JMJD1C: variants seen among roughly 807,000 people sequenced by gnomAD.
The protein encoded by JMJD1C is jumonji domain containing 1C, also known as jumonji domain-containing protein 1C.
In JMJD1C, 31 loss-of-function variants were observed where a neutral mutation model predicts 245.3. That is an observed-to-expected ratio of 0.13 (90% CI 0.09 to 0.17). The LOEUF (loss-of-function observed/expected upper bound fraction) is 0.17. Ranked by LOEUF, JMJD1C falls within the 10% of genes least tolerant of loss-of-function variation. JMJD1C has a pLI of 1.00. For synonymous variants in JMJD1C, 1,057 were observed against 1,017.4 expected (o/e 1.04, Z -0.74); for missense variants, 2,691 against 3,000.2 (o/e 0.90, Z 2.41).
intron 2 of JMJD1C, among the ~76,000 whole-genome samples, chr10:63,318,764 T>C (rs958426374): frequency 2.6e-5 from 4 of 152,192 alleles, no homozygotes; most frequent in Admixed American, 6.5e-5. Flanking sequence ...ATATTTTCTC[T>C]ATACTTTGGT....
At chr10:63,312,094 CTTTTT>C (rs35328965) in intron 2 of JMJD1C, among the ~76,000 whole-genome samples, 1 of 64,020 alleles carries the variant, frequency 1.6e-5, no homozygotes, top group Non-Finnish European at 3.3e-5. Context: ...AGTAGCTAAA[CTTTTT>C]TTTTTTTTTT....
intron 2 of JMJD1C, among the ~76,000 whole-genome samples, chr10:63,312,410 C>T (rs1939348222): frequency 6.6e-6 from 1 of 152,030 alleles, no homozygotes; most frequent in Non-Finnish European, 1.5e-5. Flanking sequence ...GCCCGGTTGA[C>T]TAGCTAAATA....
chr10:63,345,253 G>A (rs567807314), intron 2 of JMJD1C, among the ~76,000 whole-genome samples: 1 of 152,062 alleles, frequency 6.6e-6, no homozygotes, highest in East Asian at 1.9e-4. Flanking sequence ...TTGTGAGGCC[G>A]AGGTGGGCGG....
intron 2 of JMJD1C, among the ~76,000 whole-genome samples, chr10:63,277,163 G>GAGCCA (rs1382780923): frequency 6.6e-6 from 1 of 151,830 alleles, no homozygotes; most frequent in Non-Finnish European, 1.5e-5. Flanking sequence ...TTACAGGCAT[G>GAGCCA]AGCCACCGTG....
At chr10:63,349,100 C>CA (rs71463516) in intron 2 of JMJD1C, among the ~76,000 whole-genome samples, 11,069 of 34,752 alleles carry the variant, frequency 0.32, 3,921 homozygotes, top group Admixed American at 0.47. Context: ...GACTCTGTCT[C>CA]AAAAAAAAAA....
chr10:63,209,180 A>G lies in JMJD1C; in HGVS notation c.2750T>C (p.Ile917Thr), dbSNP rs372956483. 5.0e-6 allele frequency: 8 copies of G among 1,613,828 alleles called. No individual in the cohort carries two copies. The African/African-American group carries it at 1.1e-4, about 22-fold the overall frequency. The change falls in exon 9 of 26, where the codon ATT becomes ACT. Residue 917 changes from isoleucine to threonine, a missense_variant. By Grantham distance (89) the Ile-to-Thr change is moderately conservative. This residue lies in a region of JMJD1C where 1,562 missense variants were observed against 1,490.7 expected (regional missense o/e 1.05). Coordinates refer to ENST00000399262, the MANE Select transcript of JMJD1C (RefSeq NM_032776.3). ...GACAGGAATGTGACTAAGTAATCCA[A>G]TACCATCTGCTGAGGTCACAGGGGT... The part of the protein sequence containing the change: ...QPTPVTSADG[I>T]GLLSHIPVRP...
rs563467034 is a variant in JMJD1C, at chr10:63,457,624, G to C, written c.168+7871C>G. ...GAAGGAAGGAGAAATAAAAGTCCAAGAGGACTTAAACCATAGGGCTATAGA... is the reference window on the plus strand; with the variant it reads ...GAAGGAAGGAGAAATAAAAGTCCAACAGGACTTAAACCATAGGGCTATAGA... On this transcript the variant is annotated intron_variant, in intron 1 of 25. Coordinates refer to ENST00000399262, the MANE Select transcript of JMJD1C (RefSeq NM_032776.3). Among the ~76,000 whole-genome samples, 8 of 152,260 alleles carry C rather than the reference G, an allele frequency of 5.3e-5. No homozygotes were observed. In the South Asian group the frequency reaches 1.2e-3, roughly 24 times the overall value.
chr10:63,266,577 C>A lies in JMJD1C; in HGVS notation c.334-1813G>T, dbSNP rs116818119. Among the ~76,000 whole-genome samples the A allele has an allele frequency of 9.1e-3, 1,383 of 152,196 alleles. 18 individuals are homozygous for A. The highest frequency in any genetic ancestry group is 0.032 in the African/African-American group (1,328 of 41,536). On this transcript the variant is annotated intron_variant, in intron 2 of 25. Coordinates refer to ENST00000399262, the MANE Select transcript of JMJD1C (RefSeq NM_032776.3). ...ATGTTTTTTCATATTATATCTCTGT[C>A]AGTTTAGTTTTTAAGTAAACTAGAA...
At chr10:63,495,766 AAAG>A (rs1382650639) in intron 1 of JMJD1C, among the ~76,000 whole-genome samples, 25 of 151,760 alleles carry the variant, frequency 1.6e-4, no homozygotes, top group Non-Finnish European at 2.2e-4. Flanking sequence ...AAAAAAAAAA[AAAG>A]AAGAAGAAAA....
intron 2 of JMJD1C, among the ~76,000 whole-genome samples, chr10:63,314,694 C>A (rs1005067583): frequency 6.6e-6 from 1 of 151,600 alleles, no homozygotes; most frequent in Non-Finnish European, 1.5e-5. Context: ...ATCGCCCAGG[C>A]TGGAGTGTAA....
chr10:63,376,046 A>C (rs1946714064), intron 2 of JMJD1C, among the ~76,000 whole-genome samples: 1 of 152,222 alleles, frequency 6.6e-6, no homozygotes, highest in Admixed American at 6.5e-5. Flanking sequence ...TGTACTACAA[A>C]GCAACAGTAA....
intron 1 of JMJD1C, among the ~76,000 whole-genome samples, chr10:63,505,486 CAGCTGAATGG>C (rs965279379): frequency 6.6e-6 from 1 of 152,140 alleles, no homozygotes; most frequent in East Asian, 1.9e-4. Flanking sequence ...TTCAGGGTTT[CAGCTGAATGG>C]GATTGGAAGC....
chr10:63,440,569 T>C (rs1263535912), intron 1 of JMJD1C, among the ~76,000 whole-genome samples: 3 of 152,116 alleles, frequency 2.0e-5, no homozygotes, highest in Admixed American at 6.5e-5. Context: ...TCAAACACAT[T>C]CTCTGAGCAT....
chr10:63,200,378 T>G, intron 11 of JMJD1C, 98 bp downstream of exon 11: 1 of 838,614 alleles, frequency 1.2e-6, no homozygotes, highest in Non-Finnish European at 1.9e-6. Context: ...CTCAAAGACT[T>G]ACTCCCCCAT....
intron 1 of JMJD1C, among the ~76,000 whole-genome samples, chr10:63,428,791 A>C (rs1950586142): frequency 6.6e-6 from 1 of 152,240 alleles, no homozygotes; most frequent in Admixed American, 6.5e-5. Flanking sequence ...CTTGACTTTT[A>C]TCTAAGTATT....
intron 1 of JMJD1C, among the ~76,000 whole-genome samples, chr10:63,507,552 G>A (rs1008202166): frequency 2.1e-5 from 3 of 144,284 alleles, no homozygotes; most frequent in Admixed American, 1.5e-4. Context: ...GACTGAGGCA[G>A]GAGAATCACT....
At chr10:63,453,190 G>A (rs145707459) in intron 1 of JMJD1C, among the ~76,000 whole-genome samples, 4,069 of 152,210 alleles carry the variant, frequency 0.027, 84 homozygotes, top group Non-Finnish European at 0.041. Flanking sequence ...CATGAGAATC[G>A]CTTGAACCCA....
At chr10:63,190,366 G>A (rs1844640414) in intron 17 of JMJD1C, among the ~76,000 whole-genome samples, 1 of 151,978 alleles carries the variant, frequency 6.6e-6, no homozygotes, top group South Asian at 2.1e-4. Context: ...ACCACACCTG[G>A]CTAACTTTTG....
rs1950554958 is a variant in JMJD1C at position 63,428,255 on chromosome 10, T to C, written c.168+37240A>G. Among the ~76,000 whole-genome samples the C allele has an allele frequency of 2.0e-5, 3 of 152,220 alleles. No individual in the cohort carries two copies. The South Asian group carries it at 6.2e-4, about 31-fold the overall frequency. ...TAAAATTCTCCTTTGCAAATGTATA[T>C]ACTTAAGTTTGCATACTAAGAATAT... On this transcript the variant is annotated intron_variant, in intron 1 of 25. Transcript: ENST00000399262.
Sources: gnomAD v4.1 joint callset for allele counts (sites outside exome capture counted in the v4.1 genomes callset) on GRCh38, gnomAD v4.1.1 for gene constraint, gnomAD v4.1.1 regional missense constraint, MANE v1.5 for transcripts, NCBI Gene and HGNC (gene_info 2026-07-23, HGNC 2026-07-21) for gene names.